The following EBAG9 variants were observed in gnomAD, a reference collection of about 807,000 sequenced individuals.
The protein encoded by EBAG9 is estrogen receptor binding site associated antigen 9, also known as receptor-binding cancer antigen expressed on SiSo cells.
Under a neutral mutation model 30.9 loss-of-function variants are expected in EBAG9, and 16 were observed. The ratio of observed to expected loss-of-function variants is 0.52; its 90% CI spans 0.35 to 0.79. The LOEUF is 0.79. EBAG9 is among the 30% of genes least tolerant of loss of function. EBAG9 has a pLI of 0.01. For missense variants in EBAG9, 197 were observed against 242.1 expected, an observed-to-expected ratio of 0.81 and a Z score of 1.24; for synonymous variants, 93 against 82.8, an observed-to-expected ratio of 1.12 and a Z score of -0.67.
chr8:109,551,893 CTTTAAATGTGTATTTT>C (rs1180285141), intron 2 of EBAG9, among the ~76,000 whole-genome samples: 2 of 152,012 alleles, frequency 1.3e-5, no homozygotes, highest in Non-Finnish European at 2.9e-5. Flanking sequence ...ATTACTTTTT[CTTTAAATGTGTATTTT>C]TTACAATGGC....
intron 5 of EBAG9, among the ~76,000 whole-genome samples, chr8:109,558,606 G>C (rs894900962): frequency 3.3e-5 from 5 of 152,000 alleles, no homozygotes; most frequent in African/African-American, 1.2e-4. Context: ...TTACAGAGTT[G>C]AGAAGGGGTA....
chr8:109,545,551 C>T (rs888105873), intron 1 of EBAG9, among the ~76,000 whole-genome samples: 4 of 151,608 alleles, frequency 2.6e-5, no homozygotes, highest in Admixed American at 2.0e-4. Flanking sequence ...TATTAGTAGA[C>T]GCGGGATTTC....
chr8:109,559,275 G>A (rs1188988759), intron 5 of EBAG9, among the ~76,000 whole-genome samples: 1 of 151,998 alleles, frequency 6.6e-6, no homozygotes, highest in Non-Finnish European at 1.5e-5. Flanking sequence ...TAGGCAACAT[G>A]GCGAAATCCC....
intron 1 of EBAG9, among the ~76,000 whole-genome samples, chr8:109,544,923 A>C (rs1586685413): frequency 6.6e-6 from 1 of 152,140 alleles, no homozygotes; most frequent in Admixed American, 6.5e-5. Context: ...AGTGATTATT[A>C]GGGTAAATAT....
intron 6 of EBAG9, among the ~76,000 whole-genome samples, chr8:109,562,295 T>G (rs1165841361): frequency 3.3e-5 from 5 of 152,088 alleles, no homozygotes; most frequent in African/African-American, 9.7e-5. Flanking sequence ...TCTTTTTCAT[T>G]CTAGCCTCTT....
In EBAG9 at chr8:109,554,794, GAATGGGAA is replaced by G; in HGVS notation, c.229_236del (p.Asn77CysfsTer14). Reference sequence around the variant, plus strand: ...CCACCAGTGTAAAGATCGAAGGAGGGAATGGGAATGTGGCAACACAACAAAATTCTTTG... The same window carrying G: ...CCACCAGTGTAAAGATCGAAGGAGGGTGTGGCAACACAACAAAATTCTTTG... On this transcript the variant is annotated frameshift_variant, in exon 4 of 7. Coordinates refer to ENST00000337573, the MANE Select transcript of EBAG9 (RefSeq NM_004215.5). LOFTEE classifies it high-confidence loss of function. 1 of 1,613,796 alleles carries G rather than the reference GAATGGGAA, an allele frequency of 6.2e-7. No individual in the cohort carries two copies.
In EBAG9 at chr8:109,540,445, T is replaced by A. The variant is rs1821248913; in HGVS notation, c.-32T>A. 6.6e-6 allele frequency: 1 copy of A among 152,240 alleles called. No homozygotes were observed. The highest frequency in any genetic ancestry group is 1.5e-5 in the Non-Finnish European group (1 of 68,046). The allele number at this position is 152,240 out of a possible 1,614,324, so 9.4% of individuals were successfully genotyped here. A position where few individuals can be genotyped will look rare whatever the true frequency, so the allele number is the denominator to read the frequency against. On this transcript the variant is annotated 5_prime_UTR_variant, in exon 1 of 7. Transcript: ENST00000337573. ...TATAACCTGAAAACGCTCCTGTTTT[T>A]CTCATCTGTGCAGTGGGTATGATTT...
Position 109,554,933 on chromosome 8 carries a change from T to A in EBAG9, c.321+46T>A, listed in dbSNP as rs752597659. 1.9e-6 allele frequency: 3 copies of A among 1,556,492 alleles called. No individual in the cohort carries two copies. In the African/African-American group the frequency reaches 4.1e-5, roughly 21 times the overall value. On this transcript the variant is annotated intron_variant, in intron 4 of 6. Transcript: ENST00000337573. ...TTGGAGATTAAACTACTTTTTAGAT[T>A]CCTATAGTTAAAATTAGGTGATACA...
intron 5 of EBAG9, chr8:109,558,057 C>G (rs901760704): frequency 6.3e-6 from 1 of 159,106 alleles, no homozygotes; most frequent in Non-Finnish European, 1.4e-5. Flanking sequence ...AGCCCACATG[C>G]AAGCCTCCAC....
At chr8:109,563,466 C>T (rs1171747462) in intron 6 of EBAG9, 1 of 1,597,450 alleles carries the variant, frequency 6.3e-7, no homozygotes, top group Non-Finnish European at 8.5e-7. Context: ...CCACTCCCTA[C>T]ATTAACCAAT....
chr8:109,564,481 AC>A lies in EBAG9; in HGVS notation c.565del (p.Gln189LysfsTer12). 1.2e-6 allele frequency: 2 copies of A among 1,613,004 alleles called. No individual in the cohort carries two copies. Among genetic ancestry groups the A allele is most frequent in the Non-Finnish European group, 1.7e-6 (2 of 1,179,174 alleles). On this transcript the variant is annotated frameshift_variant, in exon 7 of 7. Transcript: ENST00000337573. LOFTEE classifies it high-confidence loss of function. ...ACAGAGAAAAGAGAGCAGCCGAACA[AC>A]AAAGGAAGAAAATGGAAAAGGAAGC... ...ADREKRAAEQ[Q>X]RKKMEKEAQR...
chr8:109,558,710 A>G (rs943526303), intron 5 of EBAG9, among the ~76,000 whole-genome samples: 3 of 152,278 alleles, frequency 2.0e-5, no homozygotes, highest in African/African-American at 7.2e-5. Flanking sequence ...AGAGGATGGT[A>G]ACCTATTGGA....
intron 6 of EBAG9, among the ~76,000 whole-genome samples, chr8:109,562,281 C>T (rs187836836): frequency 8.6e-5 from 13 of 152,022 alleles, no homozygotes; most frequent in African/African-American, 2.9e-4. Context: ...GTACAAAAAC[C>T]TTTTCTTTTT....
chr8:109,552,100 T>C (rs1821506506), intron 2 of EBAG9, among the ~76,000 whole-genome samples: 1 of 151,942 alleles, frequency 6.6e-6, no homozygotes, highest in African/African-American at 2.4e-5. Context: ...TAGACATGAC[T>C]TAGAGGTTAC....
chr8:109,558,202 A>T (rs982637432), intron 5 of EBAG9, among the ~76,000 whole-genome samples: 1 of 152,118 alleles, frequency 6.6e-6, no homozygotes, highest in African/African-American at 2.4e-5. Flanking sequence ...GGACCCATGT[A>T]TATGTATGTT....
In EBAG9 at chr8:109,553,855, T is replaced by A; in HGVS notation, c.84-10T>A. ...GGTTCTTGAAATAAATTATTTCATT[T>A]TTGTTTCAGATCTGGCAGAGGACGG... On this transcript the variant is annotated splice_polypyrimidine_tract_variant and intron_variant, in intron 2 of 6. Transcript: ENST00000337573. 3 of 1,599,164 alleles carry A rather than the reference T, an allele frequency of 1.9e-6. No homozygotes were observed. The South Asian group carries it at 3.5e-5, about 18-fold the overall frequency.
chr8:109,545,580 G>A (rs963783645), intron 1 of EBAG9, among the ~76,000 whole-genome samples: 20 of 151,888 alleles, frequency 1.3e-4, no homozygotes, highest in Non-Finnish European at 4.4e-5. Flanking sequence ...GGCCAGGCTG[G>A]TCTCGAACTC....
In EBAG9 at chr8:109,552,062, C is replaced by A. The variant is rs906243301; in HGVS notation, c.83+1155C>A. ...AGGGTATAGTAAAAGAGGAAATGGA[C>A]AGCAATCAGCTCTTTTTTTAATATA... On this transcript the variant is annotated intron_variant, in intron 2 of 6. Transcript: ENST00000337573. 2.0e-5 allele frequency among the ~76,000 whole-genome samples: 3 copies of A among 151,980 alleles called. No homozygotes were observed. In the South Asian group the frequency reaches 6.2e-4, roughly 32 times the overall value.
chr8:109,550,991 G>C lies in EBAG9; in HGVS notation c.83+84G>C, dbSNP rs772536214. 7.9e-5 allele frequency: 67 copies of C among 843,224 alleles called. No individual in the cohort carries two copies. The Middle Eastern group carries it at 8.9e-4, about 11-fold the overall frequency. The allele number at this position is 843,224 out of a possible 1,614,324, so 52.2% of individuals were successfully genotyped here. A position where few individuals can be genotyped will look rare whatever the true frequency, so the allele number is the denominator to read the frequency against. ...TCAAAACTTCAAATTTCGTGGACAGGACAGGTTATATTTAAGCTGAATATC... is the reference window on the plus strand; with the variant it reads ...TCAAAACTTCAAATTTCGTGGACAGCACAGGTTATATTTAAGCTGAATATC... On this transcript the variant is annotated intron_variant, in intron 2 of 6. Transcript: ENST00000337573.
Sources: gnomAD v4.1 joint callset for allele counts (sites outside exome capture counted in the v4.1 genomes callset) on GRCh38, gnomAD v4.1.1 for gene constraint, MANE v1.5 for transcripts, NCBI Gene and HGNC (gene_info 2026-07-23, HGNC 2026-07-21) for gene names.